The following PPM1F variants were observed in gnomAD, a reference collection of about 807,000 sequenced individuals.
PPM1F encodes protein phosphatase 1F.
Under a neutral mutation model 35.5 loss-of-function variants are expected in PPM1F, and 17 were observed. The observed-to-expected ratio is 0.48, with a 90% CI of 0.33 to 0.72. The LOEUF (loss-of-function observed/expected upper bound fraction) is 0.72, where lower values mean the gene tolerates loss of function less well. Ranked by LOEUF, PPM1F falls within the 30% of genes least tolerant of loss-of-function variation. PPM1F has a pLI of 0.02. For synonymous variants in PPM1F, 241 were observed against 255.5 expected, an observed-to-expected ratio of 0.94 and a Z score of 0.54; for missense variants, 521 against 613.0, an observed-to-expected ratio of 0.85 and a Z score of 1.59.
At chr22:21,934,565 A>C in intron 3 of PPM1F, 1 of 252,032 alleles carries the variant, frequency 4.0e-6, no homozygotes, top group Non-Finnish European at 7.7e-6. Context: ...TATATATCCA[A>C]TGACAAAGGA....
At chr22:21,930,639 C>A (rs1035820887) in intron 6 of PPM1F, among the ~76,000 whole-genome samples, 1 of 152,102 alleles carries the variant, frequency 6.6e-6, no homozygotes, top group East Asian at 1.9e-4. Flanking sequence ...TCTGAATGCT[C>A]GCAATCCAAC....
At chr22:21,945,778 C>T (rs1052291858) in intron 2 of PPM1F, 65 bp downstream of exon 2, 7 of 1,523,526 alleles carry the variant, frequency 4.6e-6, no homozygotes, top group Non-Finnish European at 6.2e-6. Context: ...GCAGCAGCCA[C>T]ATCCCTTGTC....
chr22:21,919,884 AGAG>A lies in PPM1F; in HGVS notation c.*3205_*3207del, dbSNP rs1331425914. On this transcript the variant is annotated 3_prime_UTR_variant, in exon 8 of 8. Coordinates refer to ENST00000263212, the MANE Select transcript of PPM1F (RefSeq NM_014634.4). Reference sequence around the variant, plus strand: ...CACGCTGGGCTCACCATAGGAGAGGAGAGGAGAGGGAGGGGGCCCCATACTGGC... The same window carrying A: ...CACGCTGGGCTCACCATAGGAGAGGAGAGAGGGAGGGGGCCCCATACTGGC... The A allele has an allele frequency of 1.3e-5, 2 of 152,382 alleles. No individual in the cohort carries two copies. The highest frequency in any genetic ancestry group is 2.4e-5 in the African/African-American group (1 of 41,462). The allele number at this position is 152,382 out of a possible 1,614,324, so 9.4% of individuals were successfully genotyped here.
chr22:21,942,328 T>G (rs956294859), intron 2 of PPM1F: 1 of 151,212 alleles, frequency 6.6e-6, no homozygotes, highest in Non-Finnish European at 1.5e-5. Context: ...TGGAGTGCAA[T>G]GGCGTGATCT....
intron 2 of PPM1F, chr22:21,943,458 A>G (rs1430651859): frequency 1.3e-5 from 2 of 152,208 alleles, no homozygotes; most frequent in Non-Finnish European, 2.9e-5. Flanking sequence ...TTCACCATGT[A>G]AGGTGGGTTC....
At chr22:21,938,364 C>T in intron 3 of PPM1F, 1 of 1,180,816 alleles carries the variant, frequency 8.5e-7, no homozygotes, top group African/African-American at 1.6e-5. Context: ...GGCCGCCTGT[C>T]ACTGTGGACA....
intron 5 of PPM1F, 110 bp downstream of exon 5, chr22:21,933,281 T>G: frequency 9.8e-6 from 10 of 1,024,126 alleles, no homozygotes; most frequent in Non-Finnish European, 1.4e-5. Context: ...CGGCAGTGTT[T>G]AGTGAGGACC....
Position 21,922,379 on chromosome 22 carries a change from G to C in PPM1F, c.*713C>G, listed in dbSNP as rs1429506192. On this transcript the variant is annotated 3_prime_UTR_variant, in exon 8 of 8. Coordinates refer to ENST00000263212, the MANE Select transcript of PPM1F (RefSeq NM_014634.4). ...AGAGAAAACCTGGAATACTGCTTCG[G>C]AATTAGACCTCCCTGGAAAAAAACA... 1 of 152,526 alleles carries C rather than the reference G, an allele frequency of 6.6e-6. No individual in the cohort carries two copies. The highest frequency in any genetic ancestry group is 6.5e-5 in the Admixed American group (1 of 15,278). The allele number at this position is 152,526 out of a possible 1,614,324, so 9.4% of individuals were successfully genotyped here.
intron 2 of PPM1F, chr22:21,944,785 C>G (rs2070760588): frequency 6.6e-6 from 1 of 152,210 alleles, no homozygotes; most frequent in Non-Finnish European, 1.5e-5. Context: ...AAGGGGAGGG[C>G]AAGGGTCTTC....
chr22:21,922,988 G>T lies in PPM1F; in HGVS notation c.*104C>A. ...TGGGGTGCTGGGGAAAGCACTGTGG[G>T]GCGGGCACCCTGTCCACTGCCTGCC... On this transcript the variant is annotated 3_prime_UTR_variant, in exon 8 of 8. Coordinates refer to ENST00000263212, the MANE Select transcript of PPM1F (RefSeq NM_014634.4). 7.0e-7 allele frequency: 1 copy of T among 1,433,478 alleles called. No individual in the cohort carries two copies. The highest frequency in any genetic ancestry group is 9.4e-7 in the Non-Finnish European group (1 of 1,061,928). The allele number at this position is 1,433,478 out of a possible 1,614,324, so 88.8% of individuals were successfully genotyped here. A position where few individuals can be genotyped will look rare whatever the true frequency, so the allele number is the denominator to read the frequency against.
Position 21,939,357 on chromosome 22 carries a change from G to T in PPM1F, c.355+175C>A. 1 of 822,028 alleles carries T rather than the reference G, an allele frequency of 1.2e-6. No homozygotes were observed. Among genetic ancestry groups the T allele is most frequent in the Non-Finnish European group, 1.9e-6 (1 of 531,318 alleles). The allele number at this position is 822,028 out of a possible 1,614,324, so 50.9% of individuals were successfully genotyped here. A position where few individuals can be genotyped will look rare whatever the true frequency, so the allele number is the denominator to read the frequency against. ...ATATGACCTGTGGAGGGCTGTGACC[G>T]CCACCCTCCACCTCACTGGGGCCGC... On this transcript the variant is annotated intron_variant, in intron 3 of 7. Transcript: ENST00000263212. The surrounding 1 kb of genome is among the most constrained non-coding windows in gnomAD (Gnocchi z 5.1).
At chr22:21,926,843 A>G (rs747797649) in intron 6 of PPM1F, among the ~76,000 whole-genome samples, 3 of 152,192 alleles carry the variant, frequency 2.0e-5, no homozygotes, top group Non-Finnish European at 2.9e-5. Context: ...AGATTGGGAT[A>G]TCAGCCAATT....
chr22:21,938,276 G>A (rs1353868719), intron 3 of PPM1F: 5 of 1,279,766 alleles, frequency 3.9e-6, no homozygotes, highest in African/African-American at 3.1e-5. Context: ...CGGTGGCGGC[G>A]CCCCCTTGGT....
In PPM1F at chr22:21,939,704, A is replaced by AG; in HGVS notation, c.207-25dup. The AG allele has an allele frequency of 1.9e-6, 3 of 1,551,116 alleles. No homozygotes were observed. Among genetic ancestry groups the AG allele is most frequent in the East Asian group, 2.4e-5 (1 of 40,898 alleles). On this transcript the variant is annotated intron_variant, in intron 2 of 7. Coordinates refer to ENST00000263212, the MANE Select transcript of PPM1F (RefSeq NM_014634.4). The surrounding 1 kb of genome is among the most constrained non-coding windows in gnomAD (Gnocchi z 5.1). ...TCCTAGGGATGAGGAGGGGGAAGTG[A>AG]GGGGCAGCCCCCAGCAGGAGACCAC...
At chr22:21,946,164 G>T in intron 1 of PPM1F, 56 bp from the exon 2 acceptor site, 2 of 824,452 alleles carry the variant, frequency 2.4e-6, no homozygotes, top group Non-Finnish European at 3.6e-6. Context: ...CAGCAATGCA[G>T]GTGCCCACCT....
At position 21,923,118 on chromosome 22, in the gene PPM1F, C is replaced by G; in HGVS notation, c.1339G>C (p.Glu447Gln). ...TAGCTTCTTGGTGGAGCCTGGGTCT[C>G]AGGTTCTGGAAGGCTGGAGGGCAAG... ...QDLPSSLPEP[E>Q]TQAPPRS Residue 447 changes from glutamate to glutamine, a missense_variant, in exon 8 of 8, where the codon GAG becomes CAG. Coordinates refer to ENST00000263212, the MANE Select transcript of PPM1F (RefSeq NM_014634.4). 6.2e-7 allele frequency: 1 copy of G among 1,610,712 alleles called. No individual in the cohort carries two copies. The highest frequency in any genetic ancestry group is 8.5e-7 in the Non-Finnish European group (1 of 1,178,514).
chr22:21,931,959 C>T (rs543698541), intron 5 of PPM1F, among the ~76,000 whole-genome samples: 7 of 152,022 alleles, frequency 4.6e-5, no homozygotes, highest in Middle Eastern at 3.4e-3. Context: ...ACTATAGGCG[C>T]GTGCCACCAT....
Position 21,923,334 on chromosome 22 carries a change from C to CCTGGTCAGGTTGGCT in PPM1F, c.1122_1123insAGCCAACCTGACCAG (p.Leu374_Val375insSerGlnProAspGln). 6.2e-7 allele frequency: 1 copy of CCTGGTCAGGTTGGCT among 1,613,704 alleles called. No individual in the cohort carries two copies. The highest frequency in any genetic ancestry group is 2.2e-5 in the East Asian group (1 of 44,878). ...TGCTGCCTGGTCAGGTGGCTCTGGA[C>CCTGGTCAGGTTGGCT]CAGGCCAACAACTTCCTGGTGGGGT... On this transcript the variant is annotated inframe_insertion, in exon 8 of 8. Coordinates refer to ENST00000263212, the MANE Select transcript of PPM1F (RefSeq NM_014634.4).
chr22:21,924,049 GAC>G (rs2070480958), intron 7 of PPM1F, among the ~76,000 whole-genome samples: 1 of 152,038 alleles, frequency 6.6e-6, no homozygotes, highest in South Asian at 2.1e-4. Flanking sequence ...AGTGTCCAGA[GAC>G]ACAAGGAAAG....
Sources: gnomAD v4.1 joint callset for allele counts (sites outside exome capture counted in the v4.1 genomes callset) on GRCh38, gnomAD v4.1.1 for gene constraint, Gnocchi (gnomAD v3.1) non-coding constraint, MANE v1.5 for transcripts, NCBI Gene and HGNC (gene_info 2026-07-23, HGNC 2026-07-21) for gene names.